Variants in PRR16 observed in about 807,000 individuals in gnomAD.
PRR16 encodes the protein proline rich 16.
A neutral mutation model predicts 18.2 loss-of-function variants in PRR16; 6 were observed. That is an observed-to-expected ratio of 0.33 (90% CI 0.18 to 0.65). PRR16 has a LOEUF of 0.65. Ranked by LOEUF, PRR16 falls within the 30% of genes least tolerant of loss-of-function variation. The probability of loss-of-function intolerance (pLI) is 0.74; values close to 1 mark genes in which losing one functional copy is unlikely to be tolerated. For synonymous variants in PRR16, 151 were observed against 147.8 expected, an observed-to-expected ratio of 1.02 and a Z score of -0.16; for missense variants, 412 against 376.6, an observed-to-expected ratio of 1.09 and a Z score of -0.78.
intron 1 of PRR16, among the ~76,000 whole-genome samples, chr5:120,529,580 G>C (rs1184212505): frequency 1.3e-5 from 2 of 152,008 alleles, no homozygotes; most frequent in Admixed American, 6.6e-5. Flanking sequence ...ATTCCTGCTG[G>C]GCATTTACTA....
At chr5:120,606,847 C>T (rs887094407) in intron 1 of PRR16, among the ~76,000 whole-genome samples, 4 of 152,004 alleles carry the variant, frequency 2.6e-5, no homozygotes, top group African/African-American at 9.7e-5. Flanking sequence ...CACAAGGCTA[C>T]AGTGAGCTAT....
At chr5:120,519,941 AT>A (rs199589253) in intron 1 of PRR16, among the ~76,000 whole-genome samples, 31 of 149,862 alleles carry the variant, frequency 2.1e-4, no homozygotes, top group Admixed American at 4.7e-4. Context: ...AAGAAATCTA[AT>A]TTTTTTTTTA....
intron 1 of PRR16, among the ~76,000 whole-genome samples, chr5:120,564,452 C>A (rs937530263): frequency 2.6e-5 from 4 of 152,064 alleles, no homozygotes; most frequent in African/African-American, 9.7e-5. Context: ...TGAGCATGTC[C>A]CCTCTAGCTA....
At chr5:120,621,884 C>A (rs2112822952) in intron 1 of PRR16, among the ~76,000 whole-genome samples, 1 of 152,234 alleles carries the variant, frequency 6.6e-6, no homozygotes, top group East Asian at 1.9e-4. Context: ...TCTTTTAGAG[C>A]AACAGGAAAA....
intron 1 of PRR16, among the ~76,000 whole-genome samples, chr5:120,523,706 T>G (rs1411111965): frequency 6.6e-6 from 1 of 152,172 alleles, no homozygotes; most frequent in Non-Finnish European, 1.5e-5. Context: ...AAATTATATG[T>G]ATATTTAAAT....
At chr5:120,652,393 C>T (rs1755822462) in intron 1 of PRR16, among the ~76,000 whole-genome samples, 1 of 151,898 alleles carries the variant, frequency 6.6e-6, no homozygotes, top group African/African-American at 2.4e-5. Flanking sequence ...CCAAAAAGTA[C>T]AGTAGGGAAA....
intron 1 of PRR16, among the ~76,000 whole-genome samples, chr5:120,484,107 G>C (rs1032041397): frequency 6.6e-6 from 1 of 151,622 alleles, no homozygotes; most frequent in Non-Finnish European, 1.5e-5. Context: ...AAAAAAGCAA[G>C]CGTATAACTA....
the PRR16 span, among the ~76,000 whole-genome samples, chr5:120,735,168 A>G: frequency 2.0e-5 from 3 of 152,210 alleles, no homozygotes; most frequent in Non-Finnish European, 2.9e-5. Flanking sequence ...AAGTTCATTC[A>G]TGTTGTACCA....
At chr5:120,620,007 T>C (rs565535505) in intron 1 of PRR16, among the ~76,000 whole-genome samples, 1 of 152,090 alleles carries the variant, frequency 6.6e-6, no homozygotes, top group Non-Finnish European at 1.5e-5. Context: ...GAAATAAGAA[T>C]GTATAGTGTT....
chr5:120,702,663 G>T, the PRR16 span, among the ~76,000 whole-genome samples: 1 of 152,094 alleles, frequency 6.6e-6, no homozygotes, highest in African/African-American at 2.4e-5. Context: ...CGGAGTTTTG[G>T]GTCCACGGAT....
chr5:120,582,482 T>G (rs1048596807), intron 1 of PRR16, among the ~76,000 whole-genome samples: 7 of 151,824 alleles, frequency 4.6e-5, no homozygotes, highest in African/African-American at 1.7e-4. Flanking sequence ...TACTCTTATT[T>G]TTTTTAAAAA....
intron 1 of PRR16, among the ~76,000 whole-genome samples, chr5:120,490,759 T>C (rs566006593): frequency 3.1e-3 from 17 of 5,466 alleles, no homozygotes; most frequent in African/African-American, 6.5e-3. Flanking sequence ...TTTTCTGCTC[T>C]GTTTTTTTCC....
chr5:120,680,485 G>T (rs571330080), intron 1 of PRR16, among the ~76,000 whole-genome samples: 1 of 152,094 alleles, frequency 6.6e-6, no homozygotes. Context: ...TATACCAAAA[G>T]TGAAAAACCT....
At chr5:120,701,462 T>G in the PRR16 span, among the ~76,000 whole-genome samples, 5 of 152,168 alleles carry the variant, frequency 3.3e-5, no homozygotes, top group African/African-American at 9.7e-5. Context: ...GCATTAACCT[T>G]GACTATGCAT....
chr5:120,505,077 A>T (rs1287845711), intron 1 of PRR16, among the ~76,000 whole-genome samples: 6 of 152,306 alleles, frequency 3.9e-5, no homozygotes, highest in African/African-American at 1.2e-4. Context: ...TCAAAATAAT[A>T]CTAAAAAAGA....
intron 1 of PRR16, among the ~76,000 whole-genome samples, chr5:120,626,031 C>A (rs905054497): frequency 2.6e-5 from 4 of 152,088 alleles, no homozygotes; most frequent in African/African-American, 7.2e-5. Context: ...ATAATTCAGT[C>A]TCTCTTGGAA....
intron 1 of PRR16, among the ~76,000 whole-genome samples, chr5:120,563,722 T>A (rs1038209755): frequency 6.6e-6 from 1 of 152,220 alleles, no homozygotes; most frequent in Non-Finnish European, 1.5e-5. Flanking sequence ...CCTATTGCTC[T>A]ACCCCACTGT....
intron 1 of PRR16, among the ~76,000 whole-genome samples, chr5:120,490,309 C>T (rs1474276325): frequency 2.6e-5 from 4 of 152,148 alleles, no homozygotes; most frequent in Admixed American, 6.5e-5. Flanking sequence ...TAGATTTGGT[C>T]GTTTCAGATA....
chr5:120,706,805 C>G, the PRR16 span, among the ~76,000 whole-genome samples: 1 of 152,152 alleles, frequency 6.6e-6, no homozygotes, highest in African/African-American at 2.4e-5. Context: ...TCGAATTCAA[C>G]TTCTTGGAGA....
Sources: gnomAD v4.1 joint callset for allele counts (sites outside exome capture counted in the v4.1 genomes callset) on GRCh38, gnomAD v4.1.1 for gene constraint, MANE v1.5 for transcripts, NCBI Gene and HGNC (gene_info 2026-07-23, HGNC 2026-07-21) for gene names.